Variants in KCNQ1 observed in about 807,000 individuals in gnomAD.
The protein encoded by KCNQ1 is potassium voltage-gated channel subfamily KQT member 1.
Under a neutral mutation model 72.4 loss-of-function variants are expected in KCNQ1, and 49 were observed. The observed-to-expected ratio is 0.68, with a 90% CI of 0.54 to 0.86. The LOEUF (loss-of-function observed/expected upper bound fraction) is 0.86, where lower values mean the gene tolerates loss of function less well. KCNQ1 is among the 40% of genes least tolerant of loss of function. KCNQ1 has a pLI of 0.00. For synonymous variants in KCNQ1, 450 were observed against 412.6 expected, an observed-to-expected ratio of 1.09 and a Z score of -1.10; for missense variants, 790 against 945.1, an observed-to-expected ratio of 0.84 and a Z score of 2.15.
rs1332084481 is a variant in KCNQ1 at position 2,486,771 on chromosome 11, C to A, written c.387-41157C>A. Among the ~76,000 whole-genome samples the A allele has an allele frequency of 2.0e-5, 3 of 152,114 alleles. No individual in the cohort carries two copies. The highest frequency in any genetic ancestry group is 7.2e-5 in the African/African-American group (3 of 41,414). On this transcript the variant is annotated intron_variant, in intron 1 of 15. Coordinates refer to ENST00000155840, the MANE Select transcript of KCNQ1 (RefSeq NM_000218.3). The surrounding 1 kb of genome is among the most constrained non-coding windows in gnomAD (Gnocchi z 5.0). The stretch of plus-strand genomic sequence containing the variant: ...GGAGCAAGAGAAAGGAGGTTCCAGT[C>A]TCCTTTTAACAACCAGATCTTGCAT...
rs537554703 is a variant in KCNQ1 at position 2,839,887 on chromosome 11, G to C, written c.1795-7880G>C. Reference sequence around the variant, plus strand: ...ACGAGCCTGTCGTCTTTCACCTCCAGACAGCAGGGCCCTGGCTCCCAGTAT... The same window carrying C: ...ACGAGCCTGTCGTCTTTCACCTCCACACAGCAGGGCCCTGGCTCCCAGTAT... On this transcript the variant is annotated intron_variant, in intron 15 of 15. Coordinates refer to ENST00000155840, the MANE Select transcript of KCNQ1 (RefSeq NM_000218.3). 4.6e-5 allele frequency: 7 copies of C among 152,338 alleles called. No homozygotes were observed. In the East Asian group the frequency reaches 1.4e-3, roughly 29 times the overall value. The allele number at this position is 152,338 out of a possible 1,614,324, so 9.4% of individuals were successfully genotyped here. A position where few individuals can be genotyped will look rare whatever the true frequency, so the allele number is the denominator to read the frequency against.
In KCNQ1 at chr11:2,617,163, T is replaced by C. The variant is rs1464083265; in HGVS notation, c.1393+28309T>C. ...AACTATTCTCATGTTCTACATGAGA[T>C]CTCTAGACTTGTTCATCCTATATAT... On this transcript the variant is annotated intron_variant, in intron 10 of 15. Coordinates refer to ENST00000155840, the MANE Select transcript of KCNQ1 (RefSeq NM_000218.3). The surrounding 1 kb of genome is among the most constrained non-coding windows in gnomAD (Gnocchi z 4.6). The C allele has an allele frequency of 2.5e-6, 1 of 398,208 alleles. No individual in the cohort carries two copies. The highest frequency in any genetic ancestry group is 2.1e-5 in the African/African-American group (1 of 48,608). 24.7% of individuals were successfully genotyped at this position (398,208 alleles called of 1,614,324 possible). A position where few individuals can be genotyped will look rare whatever the true frequency, so the allele number is the denominator to read the frequency against.
chr11:2,467,085 T>G (rs1007627846), intron 1 of KCNQ1, among the ~76,000 whole-genome samples: 92 of 152,108 alleles, frequency 6.0e-4, no homozygotes, highest in African/African-American at 2.0e-3. Context: ...GGAGGTGACC[T>G]GGAGGTCGGA....
chr11:2,719,887 A>G (rs1851173809), intron 11 of KCNQ1, among the ~76,000 whole-genome samples: 1 of 152,212 alleles, frequency 6.6e-6, no homozygotes. Context: ...TCAGTGACAG[A>G]AAGACGGAAA....
rs926248714 is a variant in KCNQ1 at position 2,764,053 on chromosome 11, A to G, written c.1515-4791A>G. ...ATCTCCCTTTTCCTACCTTTTTAAC[A>G]TACCAGCTGGGACTTTCTGGACAAT... is the stretch of plus-strand genomic sequence containing the variant. On this transcript the variant is annotated intron_variant, in intron 11 of 15. Coordinates refer to ENST00000155840, the MANE Select transcript of KCNQ1 (RefSeq NM_000218.3). This position sits in a 1 kb window ranked among gnomAD's most constrained non-coding sequence, Gnocchi z 4.8. Among the ~76,000 whole-genome samples the G allele has an allele frequency of 5.9e-5, 9 of 152,140 alleles. No homozygotes were observed. The highest frequency in any genetic ancestry group is 1.2e-4 in the Non-Finnish European group (8 of 68,024).
chr11:2,846,274 C>T (rs974708250), intron 15 of KCNQ1, among the ~76,000 whole-genome samples: 4 of 152,206 alleles, frequency 2.6e-5, no homozygotes, highest in Admixed American at 6.5e-5. Flanking sequence ...GAGTCATCTT[C>T]GTGCCTCTCT....
Position 2,758,353 on chromosome 11 carries a change from C to T in KCNQ1, c.1515-10491C>T, listed in dbSNP as rs569665573. ...AAATGCAGATTAAAACCACAGTGAG[C>T]GGTCACTACGCACCTATCAGAATGG... On this transcript the variant is annotated intron_variant, in intron 11 of 15. Coordinates refer to ENST00000155840, the MANE Select transcript of KCNQ1 (RefSeq NM_000218.3). Among the ~76,000 whole-genome samples the T allele has an allele frequency of 1.8e-4, 28 of 152,248 alleles. No individual in the cohort carries two copies. In the South Asian group the frequency reaches 3.3e-3, roughly 18 times the overall value.
rs149661646 is a variant in KCNQ1 at position 2,846,735 on chromosome 11, T to C, written c.1795-1032T>C. Among the ~76,000 whole-genome samples, 995 of 152,362 alleles carry C rather than the reference T, an allele frequency of 6.5e-3. 9 individuals carry two copies. The highest frequency in any genetic ancestry group is 0.023 in the African/African-American group (946 of 41,588). On this transcript the variant is annotated intron_variant, in intron 15 of 15. Coordinates refer to ENST00000155840, the MANE Select transcript of KCNQ1 (RefSeq NM_000218.3). ...TTCCCACCCGGGGCGGGCTCCAGCCTCATTCCCCAGCGGTGCTGTCCTTCC... is the reference window on the plus strand; with the variant it reads ...TTCCCACCCGGGGCGGGCTCCAGCCCCATTCCCCAGCGGTGCTGTCCTTCC...
At chr11:2,796,859 G>A (rs1470135151) in intron 15 of KCNQ1, among the ~76,000 whole-genome samples, 1 of 152,234 alleles carries the variant, frequency 6.6e-6, no homozygotes, top group East Asian at 1.9e-4. Context: ...AGAAAACGAT[G>A]GGGCAGGGAA....
In KCNQ1 at chr11:2,621,830, T is replaced by C. The variant is rs1849177166; in HGVS notation, c.1393+32976T>C. On this transcript the variant is annotated intron_variant, in intron 10 of 15. Transcript: ENST00000155840. This position sits in a 1 kb window ranked among gnomAD's most constrained non-coding sequence, Gnocchi z 5.7. ...TTCTTTGTTTCAAAAATTGAAGTCTTAGTTTTACTGACTTTTTTCCCCTAT... is the reference window on the plus strand; with the variant it reads ...TTCTTTGTTTCAAAAATTGAAGTCTCAGTTTTACTGACTTTTTTCCCCTAT... 2 of 398,366 alleles carry C rather than the reference T, an allele frequency of 5.0e-6. No homozygotes were observed. The highest frequency in any genetic ancestry group is 4.4e-5 in the Admixed American group (1 of 22,732). The allele number at this position is 398,366 out of a possible 1,614,324, so 24.7% of individuals were successfully genotyped here.
At chr11:2,842,282 TG>T (rs1320838654) in intron 15 of KCNQ1, among the ~76,000 whole-genome samples, 3 of 152,198 alleles carry the variant, frequency 2.0e-5, no homozygotes, top group Non-Finnish European at 2.9e-5. Flanking sequence ...TGAAGGGCTC[TG>T]GGGGACAGGG....
chr11:2,610,552 T>C (rs1848963306), intron 10 of KCNQ1: 2 of 398,354 alleles, frequency 5.0e-6, no homozygotes, highest in African/African-American at 4.1e-5. Flanking sequence ...TTTGGATATA[T>C]GTGAACTTCC....
At chr11:2,686,080 C>T (rs1850484999) in intron 11 of KCNQ1, 1 of 399,038 alleles carries the variant, frequency 2.5e-6, no homozygotes. Context: ...ACAGGGCCAG[C>T]ATTGAGTAGG....
At chr11:2,732,500 C>T (rs1308316494) in intron 11 of KCNQ1, among the ~76,000 whole-genome samples, 1 of 152,194 alleles carries the variant, frequency 6.6e-6, no homozygotes, top group African/African-American at 2.4e-5. Context: ...TACCTTCTCT[C>T]CCCGTGCCAA....
chr11:2,725,138 G>A lies in KCNQ1; in HGVS notation c.1515-43706G>A, dbSNP rs1329860448. The stretch of plus-strand genomic sequence containing the variant: ...CCGTTTCAGCTCCAGGGGAGAGCCA[G>A]GGCAGGGTGGGGCAGGCACGGATTC... On this transcript the variant is annotated intron_variant, in intron 11 of 15. Coordinates refer to ENST00000155840, the MANE Select transcript of KCNQ1 (RefSeq NM_000218.3). The surrounding 1 kb of genome is among the most constrained non-coding windows in gnomAD (Gnocchi z 7.2). Among the ~76,000 whole-genome samples the A allele has an allele frequency of 1.3e-5, 2 of 152,222 alleles. No homozygotes were observed. Among genetic ancestry groups the A allele is most frequent in the African/African-American group, 4.8e-5 (2 of 41,456 alleles).
chr11:2,617,269 ATC>A lies in KCNQ1; in HGVS notation c.1393+28419_1393+28420del. On this transcript the variant is annotated intron_variant, in intron 10 of 15. Coordinates refer to ENST00000155840, the MANE Select transcript of KCNQ1 (RefSeq NM_000218.3). This position sits in a 1 kb window ranked among gnomAD's most constrained non-coding sequence, Gnocchi z 4.6. ...CCCATGGTAACCACTAGTTTATTCT[ATC>A]TCTGTATATTTGACTTTTTTCTTTT... 2.5e-6 allele frequency: 1 copy of A among 398,284 alleles called. No individual in the cohort carries two copies. Among genetic ancestry groups the A allele is most frequent in the Non-Finnish European group, 4.4e-6 (1 of 225,902 alleles). 24.7% of individuals were successfully genotyped at this position (398,284 alleles called of 1,614,324 possible).
chr11:2,662,432 A>AT (rs1403799071), intron 11 of KCNQ1: 22 of 452,550 alleles, frequency 4.9e-5, no homozygotes, highest in Middle Eastern at 1.1e-3. Flanking sequence ...GCATTTCCCC[A>AT]TGGAACCCTG....
intron 15 of KCNQ1, among the ~76,000 whole-genome samples, chr11:2,832,650 C>T (rs1020475225): frequency 2.6e-5 from 4 of 152,338 alleles, no homozygotes; most frequent in South Asian, 2.1e-4. Flanking sequence ...CTCAGGTCTG[C>T]CCGCCTCCCC....
chr11:2,459,413 T>C (rs917443123), intron 1 of KCNQ1, among the ~76,000 whole-genome samples: 5 of 152,184 alleles, frequency 3.3e-5, no homozygotes, highest in African/African-American at 9.7e-5. Flanking sequence ...AGTTCCTCAC[T>C]GCAGGGCTTG....
Sources: gnomAD v4.1 joint callset for allele counts (sites outside exome capture counted in the v4.1 genomes callset) on GRCh38, gnomAD v4.1.1 for gene constraint, Gnocchi (gnomAD v3.1) non-coding constraint, MANE v1.5 for transcripts, NCBI Gene and HGNC (gene_info 2026-07-23, HGNC 2026-07-21) for gene names.